The following TTC36 variants were observed in gnomAD, a reference collection of about 807,000 sequenced individuals.
The protein encoded by TTC36 is tetratricopeptide repeat domain 36.
A neutral mutation model predicts 17.5 loss-of-function variants in TTC36; 15 were observed. That is an observed-to-expected ratio of 0.86 (90% CI 0.57 to 1.32). TTC36 has a LOEUF of 1.32. TTC36 is among the 40% of genes most tolerant of loss of function. TTC36 has a pLI of 0.00. For synonymous variants in TTC36, 112 were observed against 109.8 expected (o/e 1.02, Z -0.13); for missense variants, 292 against 260.9 (o/e 1.12, Z -0.82).
Position 118,527,612 on chromosome 11 carries a change from G to A in TTC36, c.118G>A (p.Asp40Asn), listed in dbSNP as rs1555056084. The A allele has an allele frequency of 6.2e-7, 1 of 1,611,834 alleles. No individual in the cohort carries two copies. Among genetic ancestry groups the A allele is most frequent in the Non-Finnish European group, 8.5e-7 (1 of 1,177,882 alleles). ...EEAEKEEREE[D>N]EVFPQAQLEQ... ...AGCAGAAAAGGAAGAACGAGAAGAA[G>A]GTGGGCATTTGATCTGGAGTGTAGC... The change falls in exon 1 of 3, where the codon GAT (aspartate) becomes AAT (asparagine). Residue 40 changes from aspartate to asparagine, a missense_variant and splice_region_variant. Transcript: ENST00000302783.
In TTC36 at chr11:118,530,823, C is replaced by A; in HGVS notation, c.477C>A (p.Arg159=). 6.6e-7 allele frequency: 1 copy of A among 1,504,670 alleles called. No homozygotes were observed. The highest frequency in any genetic ancestry group is 2.7e-5 in the East Asian group (1 of 36,732). 93.2% of individuals were successfully genotyped at this position (1,504,670 alleles called of 1,614,324 possible). Residue 159 remains arginine (R), a synonymous_variant, in exon 3 of 3, where the codon CGC becomes CGA. Transcript: ENST00000302783. This position sits in a 1 kb window ranked among gnomAD's most constrained non-coding sequence, Gnocchi z 5.8. Reference sequence around the variant, plus strand: ...GGCTGGGCAGCCCCTTCGCGCGGCGCCAGCTGGTGCTGCTCAACCCCTACG... The same window carrying A: ...GGCTGGGCAGCCCCTTCGCGCGGCGACAGCTGGTGCTGCTCAACCCCTACG... ...AARLGSPFAR[R]QLVLLNPYAA...
intron 1 of TTC36, 46 bp from the exon 2 acceptor site, chr11:118,528,557 C>T (rs1555056386): frequency 6.7e-7 from 1 of 1,499,056 alleles, no homozygotes; most frequent in Middle Eastern, 1.8e-4. Context: ...TTTCTTCTTG[C>T]TACCAACTGC....
rs1555057618 is a variant in TTC36, at chr11:118,530,946, G to A, written c.*30G>A. ...CGCGGACCCGGGCGTCCGCGGGCGAGGGGACGGGACTGGGCCCTGAACCAA... is the reference window on the plus strand; with the variant it reads ...CGCGGACCCGGGCGTCCGCGGGCGAAGGGACGGGACTGGGCCCTGAACCAA... On this transcript the variant is annotated 3_prime_UTR_variant, in exon 3 of 3. Coordinates refer to ENST00000302783, the MANE Select transcript of TTC36 (RefSeq NM_001080441.4). The surrounding 1 kb of genome is among the most constrained non-coding windows in gnomAD (Gnocchi z 5.8). The A allele has an allele frequency of 1.4e-6, 2 of 1,479,034 alleles. No homozygotes were observed. Among genetic ancestry groups the A allele is most frequent in the Non-Finnish European group, 1.8e-6 (2 of 1,124,596 alleles). The allele number at this position is 1,479,034 out of a possible 1,614,324, so 91.6% of individuals were successfully genotyped here.
chr11:118,528,193 C>G, intron 1 of TTC36: 1 of 345,346 alleles, frequency 2.9e-6, no homozygotes, highest in Non-Finnish European at 5.7e-6. Flanking sequence ...TGTTCATGAT[C>G]TGGGAATGTC....
rs1267556689 is a variant in TTC36, at chr11:118,530,770, G to A, written c.424G>A (p.Ala142Thr). 13 of 1,508,008 alleles carry A rather than the reference G, an allele frequency of 8.6e-6. No homozygotes were observed. The African/African-American group carries it at 1.6e-4, about 18-fold the overall frequency. 93.4% of individuals were successfully genotyped at this position (1,508,008 alleles called of 1,614,324 possible). A position where few individuals can be genotyped will look rare whatever the true frequency, so the allele number is the denominator to read the frequency against. The change falls in exon 3 of 3, where the codon GCC becomes ACC. Residue 142 changes from alanine (A) to threonine (T), a missense_variant. By Grantham distance (58) the Ala-to-Thr change is moderately conservative. Transcript: ENST00000302783. This position sits in a 1 kb window ranked among gnomAD's most constrained non-coding sequence, Gnocchi z 5.8. ...GCGGCTGCAGGGCCGAGACGACGACGCCCGCAGGGACTTCGAGAGGGCGGC... is the reference window on the plus strand; with the variant it reads ...GCGGCTGCAGGGCCGAGACGACGACACCCGCAGGGACTTCGAGAGGGCGGC... ...LARLQGRDDD[A>T]RRDFERAARL... is the part of the protein sequence containing the mutation.
rs200508065 is a variant in TTC36, at chr11:118,528,656, G to C, written c.172G>C (p.Gly58Arg). 1.1e-5 allele frequency: 18 copies of C among 1,610,966 alleles called. No homozygotes were observed. The highest frequency in any genetic ancestry group is 4.5e-5 in the East Asian group (2 of 44,826). The change falls in exon 2 of 3, where the codon GGG becomes CGG. Residue 58 changes from glycine (G) to arginine (R), a missense_variant. Transcript: ENST00000302783. ...ACAGTCCAAGGCCCTGGAGCTGCAGGGGGTGATGGCAGCAGAGGCTGGGGA... is the reference window on the plus strand; with the variant it reads ...ACAGTCCAAGGCCCTGGAGCTGCAGCGGGTGATGGCAGCAGAGGCTGGGGA... Reference protein sequence around the residue: ...LEQSKALELQGVMAAEAGDLS... With the variant: ...LEQSKALELQRVMAAEAGDLS...
chr11:118,530,798 GGCTGGGCAGCCCCTTCGCGCGGCGCCA>G lies in TTC36; in HGVS notation c.458_484del (p.Gly153_Leu161del). On this transcript the variant is annotated inframe_deletion, in exon 3 of 3. Transcript: ENST00000302783. This position sits in a 1 kb window ranked among gnomAD's most constrained non-coding sequence, Gnocchi z 5.8. ...CGCAGGGACTTCGAGAGGGCGGCAC[GGCTGGGCAGCCCCTTCGCGCGGCGCCA>G]GCTGGTGCTGCTCAACCCCTACGCC... 6.6e-7 allele frequency: 1 copy of G among 1,505,366 alleles called. No individual in the cohort carries two copies. The highest frequency in any genetic ancestry group is 8.8e-7 in the Non-Finnish European group (1 of 1,135,706). The allele number at this position is 1,505,366 out of a possible 1,614,324, so 93.3% of individuals were successfully genotyped here.
At position 118,527,477 on chromosome 11, in the gene TTC36, A is replaced by AT. The variant is rs1205223911; in HGVS notation, c.-14dup. The AT allele has an allele frequency of 6.3e-7, 1 of 1,593,910 alleles. No individual in the cohort carries two copies. Among genetic ancestry groups the AT allele is most frequent in the Non-Finnish European group, 8.6e-7 (1 of 1,161,832 alleles). ...CTCTCATCTGGAGTCACCTTTTGGG[A>AT]TTTTGGAGTTGAGCACCATGGGGAC... On this transcript the variant is annotated 5_prime_UTR_variant, in exon 1 of 3. Transcript: ENST00000302783.
In TTC36 at chr11:118,530,545, G is replaced by A; in HGVS notation, c.308-109G>A. Reference sequence around the variant, plus strand: ...GCGGGTTGTAAATGGCCACGCCCGGGAGCCGCAAGAACCACGGTGATCCGC... The same window carrying A: ...GCGGGTTGTAAATGGCCACGCCCGGAAGCCGCAAGAACCACGGTGATCCGC... On this transcript the variant is annotated intron_variant, in intron 2 of 2. Coordinates refer to ENST00000302783, the MANE Select transcript of TTC36 (RefSeq NM_001080441.4). The surrounding 1 kb of genome is among the most constrained non-coding windows in gnomAD (Gnocchi z 5.8). The A allele has an allele frequency of 1.6e-6, 2 of 1,272,158 alleles. No homozygotes were observed. The highest frequency in any genetic ancestry group is 2.0e-6 in the Non-Finnish European group (2 of 994,970). 78.8% of individuals were successfully genotyped at this position (1,272,158 alleles called of 1,614,324 possible).
chr11:118,527,799 G>A lies in TTC36; in HGVS notation c.118+187G>A, dbSNP rs1375245316. 44 of 666,990 alleles carry A rather than the reference G, an allele frequency of 6.6e-5. 1 individual carries two copies. Among genetic ancestry groups the A allele is most frequent in the South Asian group, 5.7e-4 (37 of 65,450 alleles). 41.3% of individuals were successfully genotyped at this position (666,990 alleles called of 1,614,324 possible). ...GGTAAGAGATGTCCTGCCAAGAGGA[G>A]TAAGCTGGGGTTTGTCTCTCGATCC... On this transcript the variant is annotated intron_variant, in intron 1 of 2. Transcript: ENST00000302783.
Position 118,530,365 on chromosome 11 carries a change from T to G in TTC36, c.308-289T>G. 1 of 371,028 alleles carries G rather than the reference T, an allele frequency of 2.7e-6. No homozygotes were observed. The highest frequency in any genetic ancestry group is 4.8e-6 in the Non-Finnish European group (1 of 209,592). 23.0% of individuals were successfully genotyped at this position (371,028 alleles called of 1,614,324 possible). A position where few individuals can be genotyped will look rare whatever the true frequency, so the allele number is the denominator to read the frequency against. ...ATTCAGAATCCTGCAACGTTCATGT[T>G]TTCGTGTATTAGCGGTGGAAAATAA... On this transcript the variant is annotated intron_variant, in intron 2 of 2. Coordinates refer to ENST00000302783, the MANE Select transcript of TTC36 (RefSeq NM_001080441.4). This position sits in a 1 kb window ranked among gnomAD's most constrained non-coding sequence, Gnocchi z 5.8.
In TTC36 at chr11:118,530,540, C is replaced by A; in HGVS notation, c.308-114C>A. 1 of 1,253,250 alleles carries A rather than the reference C, an allele frequency of 8.0e-7. No individual in the cohort carries two copies. Among genetic ancestry groups the A allele is most frequent in the Non-Finnish European group, 1.0e-6 (1 of 978,194 alleles). 77.6% of individuals were successfully genotyped at this position (1,253,250 alleles called of 1,614,324 possible). ...GCGAGGCGGGTTGTAAATGGCCACG[C>A]CCGGGAGCCGCAAGAACCACGGTGA... On this transcript the variant is annotated intron_variant, in intron 2 of 2. Coordinates refer to ENST00000302783, the MANE Select transcript of TTC36 (RefSeq NM_001080441.4). This position sits in a 1 kb window ranked among gnomAD's most constrained non-coding sequence, Gnocchi z 5.8.
At chr11:118,528,901 G>A (rs1164943890) in intron 2 of TTC36, 110 bp downstream of exon 2, 2 of 993,614 alleles carry the variant, frequency 2.0e-6, no homozygotes, top group African/African-American at 1.6e-5. Context: ...TGTGGAGCCT[G>A]TCTTCTTACC....
intron 2 of TTC36, among the ~76,000 whole-genome samples, chr11:118,529,666 C>T (rs566889663): frequency 6.6e-6 from 1 of 152,346 alleles, no homozygotes; most frequent in East Asian, 1.9e-4. Context: ...TTTGAGTCCA[C>T]TCCAGGAACA....
At position 118,527,590 on chromosome 11, in the gene TTC36, A is replaced by G; in HGVS notation, c.96A>G (p.Ala32=). The change falls in exon 1 of 3, where the codon GCA becomes GCG. Residue 32 remains alanine (A), a synonymous_variant. Coordinates refer to ENST00000302783, the MANE Select transcript of TTC36 (RefSeq NM_001080441.4). The part of the protein sequence containing the change: ...DIVGLDLGEE[A]EKEEREEDEV... The stretch of plus-strand genomic sequence containing the variant: ...TTGGATTGGACCTCGGAGAGGAAGC[A>G]GAAAAGGAAGAACGAGAAGAAGGTG... The G allele has an allele frequency of 6.2e-7, 1 of 1,614,100 alleles. No homozygotes were observed. The highest frequency in any genetic ancestry group is 1.1e-5 in the South Asian group (1 of 91,080).
At chr11:118,528,989 T>C (rs1288891896) in intron 2 of TTC36, among the ~76,000 whole-genome samples, 198 bp downstream of exon 2, 4 of 152,222 alleles carry the variant, frequency 2.6e-5, no homozygotes, top group Admixed American at 2.6e-4. Context: ...TGCATTCCAT[T>C]GATTAAGGAA....
At chr11:118,528,834 G>A (rs782049624) in intron 2 of TTC36, 43 bp downstream of exon 2, 2 of 1,541,006 alleles carry the variant, frequency 1.3e-6, no homozygotes, top group African/African-American at 1.4e-5. Context: ...GGGCCCACGG[G>A]AGGGCACAGA....
Position 118,530,704 on chromosome 11 carries a change from C to T in TTC36, c.358C>T (p.Arg120Cys), listed in dbSNP as rs1951203393. The T allele has an allele frequency of 6.8e-7, 1 of 1,479,342 alleles. No individual in the cohort carries two copies. Among genetic ancestry groups the T allele is most frequent in the Non-Finnish European group, 8.9e-7 (1 of 1,124,076 alleles). The allele number at this position is 1,479,342 out of a possible 1,614,324, so 91.6% of individuals were successfully genotyped here. A position where few individuals can be genotyped will look rare whatever the true frequency, so the allele number is the denominator to read the frequency against. ...RAVELSGGRG[R>C]AARQSFVQRG... ...GGTGGAGCTGAGCGGCGGCCGGGGC[C>T]GCGCCGCCCGCCAGAGCTTTGTGCA... Residue 120 changes from arginine to cysteine, a missense_variant, in exon 3 of 3, where the codon CGC becomes TGC. By Grantham distance (180) the Arg-to-Cys change is radical. Coordinates refer to ENST00000302783, the MANE Select transcript of TTC36 (RefSeq NM_001080441.4). The surrounding 1 kb of genome is among the most constrained non-coding windows in gnomAD (Gnocchi z 5.8).
intron 1 of TTC36, among the ~76,000 whole-genome samples, chr11:118,528,317 A>G (rs1250709331): frequency 2.6e-5 from 4 of 152,164 alleles, no homozygotes; most frequent in African/African-American, 9.7e-5. Context: ...GCCATACACA[A>G]AGAACTTGAG....
Sources: gnomAD v4.1 joint callset for allele counts (sites outside exome capture counted in the v4.1 genomes callset) on GRCh38, gnomAD v4.1.1 for gene constraint, Gnocchi (gnomAD v3.1) non-coding constraint, MANE v1.5 for transcripts, NCBI Gene and HGNC (gene_info 2026-07-23, HGNC 2026-07-21) for gene names.